The following ASTN2 variants were observed in gnomAD, a reference collection of about 807,000 sequenced individuals.
The protein encoded by ASTN2 is astrotactin-2.
In ASTN2, 54 loss-of-function variants were observed where a neutral mutation model predicts 139.8. The ratio of observed to expected loss-of-function variants is 0.39; its 90% CI spans 0.31 to 0.48. The LOEUF (loss-of-function observed/expected upper bound fraction) is 0.48, where lower values mean the gene tolerates loss of function less well. ASTN2 is among the 20% of genes least tolerant of loss of function. The probability of loss-of-function intolerance (pLI) is 0.95; values close to 1 mark genes in which losing one functional copy is unlikely to be tolerated. For missense variants in ASTN2, 1,565 were observed against 1,725.1 expected, an observed-to-expected ratio of 0.91 and a Z score of 1.64; for synonymous variants, 756 against 719.5, an observed-to-expected ratio of 1.05 and a Z score of -0.81.
chr9:117,256,170 G>A (rs946396022), intron 2 of ASTN2, among the ~76,000 whole-genome samples: 2 of 152,108 alleles, frequency 1.3e-5, no homozygotes, highest in East Asian at 1.9e-4. Context: ...GAGTTGCAGA[G>A]CTCAACTCAT....
Position 116,873,473 on chromosome 9 carries a change from C to T in ASTN2, c.1890-9740G>A, listed in dbSNP as rs116273237. ...GGCCATTTTCCTGGGATAGTTGTGG[C>T]GGGAGTCAGGCCTCCAGTGCAGAGG... On this transcript the variant is annotated intron_variant, in intron 10 of 22. Coordinates refer to ENST00000313400, the MANE Select transcript of ASTN2 (RefSeq NM_001365068.1). Among the ~76,000 whole-genome samples, 907 of 152,248 alleles carry T rather than the reference C, an allele frequency of 6.0e-3. 10 individuals are homozygous for T. The highest frequency in any genetic ancestry group is 0.021 in the African/African-American group (865 of 41,528).
chr9:117,191,820 C>A (rs140154951), intron 3 of ASTN2, among the ~76,000 whole-genome samples: 2 of 152,124 alleles, frequency 1.3e-5, no homozygotes, highest in Non-Finnish European at 2.9e-5. Flanking sequence ...TGTCACTATG[C>A]GGTGGTACTG....
At position 117,214,595 on chromosome 9, in the gene ASTN2, G is replaced by T; in HGVS notation, c.778C>A (p.Leu260Met). The T allele has an allele frequency of 6.2e-7, 1 of 1,606,550 alleles. No homozygotes were observed. Among genetic ancestry groups the T allele is most frequent in the South Asian group, 1.1e-5 (1 of 90,744 alleles). The part of the protein sequence containing the change: ...HEIHYIPSVL[L>M]GPQARESFRS... ...AAGCTCTCCCGCGCCTGGGGACCCAGCAGCACAGATGGGATGTAGTGGATC... is the reference window on the plus strand; with the variant it reads ...AAGCTCTCCCGCGCCTGGGGACCCATCAGCACAGATGGGATGTAGTGGATC... Residue 260 changes from leucine to methionine, a missense_variant, in exon 3 of 23, where the codon CTG becomes ATG. Around this residue, in one of 4 missense-constraint regions of ASTN2, gnomAD observed 596 missense variants for 576.8 expected, o/e 1.03. Coordinates refer to ENST00000313400, the MANE Select transcript of ASTN2 (RefSeq NM_001365068.1).
At chr9:116,914,588 TTTACAATCTCAATC>T (rs1288574219) in intron 10 of ASTN2, among the ~76,000 whole-genome samples, 1 of 150,172 alleles carries the variant, frequency 6.7e-6, no homozygotes, top group Non-Finnish European at 1.5e-5. Context: ...TATATTTTTT[TTTACAATCTCAATC>T]TCAGTCTTCA....
At chr9:117,003,059 T>C (rs1167045911) in intron 7 of ASTN2, among the ~76,000 whole-genome samples, 10 of 152,192 alleles carry the variant, frequency 6.6e-5, no homozygotes, top group Admixed American at 6.5e-4. Context: ...GACAGAGGCA[T>C]GCGAGGGCAT....
chr9:116,942,573 C>A (rs1487038095), intron 10 of ASTN2, among the ~76,000 whole-genome samples: 2 of 152,170 alleles, frequency 1.3e-5, no homozygotes, highest in Non-Finnish European at 2.9e-5. Flanking sequence ...GAAAGTCCTC[C>A]CTTTCTTGCA....
chr9:117,109,573 T>A (rs1035704251), intron 4 of ASTN2, among the ~76,000 whole-genome samples: 2 of 152,242 alleles, frequency 1.3e-5, no homozygotes, highest in East Asian at 1.9e-4. Flanking sequence ...ATTCCCCTTC[T>A]TATAAAATAT....
rs143435026 is a variant in ASTN2 at position 117,240,954 on chromosome 9, C to T, written c.631-26212G>A. On this transcript the variant is annotated intron_variant, in intron 2 of 22. Transcript: ENST00000313400. ...CACTCTCTCAATGACTGTCTGAGTC[C>T]TGAGGTTTACAATCCTCCTTTCCAT... Among the ~76,000 whole-genome samples the T allele has an allele frequency of 2.3e-3, 357 of 152,278 alleles. 4 individuals carry two copies. Among genetic ancestry groups the T allele is most frequent in the African/African-American group, 8.0e-3 (331 of 41,572 alleles).
chr9:117,113,300 A>G (rs1047000788), intron 4 of ASTN2, among the ~76,000 whole-genome samples: 1 of 152,212 alleles, frequency 6.6e-6, no homozygotes, highest in Non-Finnish European at 1.5e-5. Context: ...CAGCAGTTTT[A>G]TCCACAGTAG....
At chr9:116,945,851 G>T (rs1280412059) in intron 10 of ASTN2, among the ~76,000 whole-genome samples, 1 of 152,156 alleles carries the variant, frequency 6.6e-6, no homozygotes, top group East Asian at 1.9e-4. Context: ...CTGCAATAAA[G>T]AACTATATGA....
chr9:116,843,186 A>G (rs988015347), intron 11 of ASTN2, among the ~76,000 whole-genome samples: 2 of 152,162 alleles, frequency 1.3e-5, no homozygotes, highest in African/African-American at 2.4e-5. Flanking sequence ...CATGGACTCA[A>G]CCTGTGCCCA....
At chr9:116,642,182 A>G (rs577465825) in intron 17 of ASTN2, among the ~76,000 whole-genome samples, 46 of 148,832 alleles carry the variant, frequency 3.1e-4, no homozygotes, top group African/African-American at 1.1e-3. Context: ...AGACAAGGAA[A>G]CTCCATTTTA....
In ASTN2 at chr9:116,817,091, G is replaced by A. The variant is rs577292096; in HGVS notation, c.2207+3526C>T. Among the ~76,000 whole-genome samples the A allele has an allele frequency of 1.3e-3, 192 of 151,940 alleles. No individual in the cohort carries two copies. The Middle Eastern group carries it at 0.017, about 13-fold the overall frequency. ...GGGCAGATCATGAGGTCAGGAGATC[G>A]AGACCATTCTAGCTAACACGCTGAA... On this transcript the variant is annotated intron_variant, in intron 12 of 22. Transcript: ENST00000313400.
chr9:116,711,467 G>A (rs910269880), intron 16 of ASTN2, among the ~76,000 whole-genome samples: 1 of 152,150 alleles, frequency 6.6e-6, no homozygotes, highest in African/African-American at 2.4e-5. Context: ...CTTTTTCTAT[G>A]ACTTCAATCA....
chr9:117,282,398 C>A (rs1834345942), intron 2 of ASTN2, among the ~76,000 whole-genome samples: 1 of 152,186 alleles, frequency 6.6e-6, no homozygotes, highest in Admixed American at 6.5e-5. Context: ...CTGCCTCTTG[C>A]CATCTCCAAG....
intron 17 of ASTN2, 110 bp downstream of exon 17, chr9:116,651,418 A>G: frequency 8.2e-7 from 1 of 1,216,654 alleles, no homozygotes; most frequent in South Asian, 1.5e-5. Flanking sequence ...CACCATGATG[A>G]TGATATGATG....
chr9:116,447,361 A>T (rs760906929), intron 20 of ASTN2, among the ~76,000 whole-genome samples: 30 of 152,104 alleles, frequency 2.0e-4, no homozygotes, highest in Non-Finnish European at 1.9e-4. Flanking sequence ...TCTTGCCCCT[A>T]TGAGTATGTG....
chr9:117,030,076 G>A (rs1838205043), intron 6 of ASTN2, among the ~76,000 whole-genome samples: 1 of 152,082 alleles, frequency 6.6e-6, no homozygotes, highest in African/African-American at 2.4e-5. Context: ...CACAAAACTA[G>A]AAAGCAGATG....
At position 116,698,464 on chromosome 9, in the gene ASTN2, A is replaced by G. The variant is rs1860996799; in HGVS notation, c.2806+27307T>C. Reference sequence around the variant, plus strand: ...GTGCAGGCTGTGTCTCGCTGTGACTACTTCCTGGCCAAGATCAAGCAGGCA... The same window carrying G: ...GTGCAGGCTGTGTCTCGCTGTGACTGCTTCCTGGCCAAGATCAAGCAGGCA... On this transcript the variant is annotated intron_variant, in intron 16 of 22. Coordinates refer to ENST00000313400, the MANE Select transcript of ASTN2 (RefSeq NM_001365068.1). This position sits in a 1 kb window ranked among gnomAD's most constrained non-coding sequence, Gnocchi z 4.4. The G allele has an allele frequency of 1.2e-6, 2 of 1,613,918 alleles. No homozygotes were observed. The highest frequency in any genetic ancestry group is 1.7e-4 in the Middle Eastern group (1 of 5,974).
Sources: allele counts gnomAD v4.1 joint callset (sites outside exome capture counted in the v4.1 genomes callset), GRCh38; gene constraint gnomAD v4.1.1; regional missense constraint gnomAD v4.1.1; non-coding constraint Gnocchi (gnomAD v3.1); transcripts MANE v1.5; gene names NCBI Gene and HGNC (gene_info 2026-07-23, HGNC 2026-07-21).